The following MSRA variants were observed in gnomAD, a reference collection of about 807,000 sequenced individuals.
The protein encoded by MSRA is mitochondrial peptide methionine sulfoxide reductase.
In MSRA, 54 loss-of-function variants were observed where a neutral mutation model predicts 31.3. The observed-to-expected ratio is 1.73, with a 90% CI of 1.39 to 2.17. The LOEUF is 2.17. Ranked by LOEUF, MSRA falls within the 30% of genes most tolerant of loss-of-function variation. The pLI, the probability that MSRA is intolerant of heterozygous loss-of-function variation, is 0.00. For synonymous variants in MSRA, 169 were observed against 116.5 expected, an observed-to-expected ratio of 1.45 and a Z score of -2.90; for missense variants, 507 against 300.9, an observed-to-expected ratio of 1.69 and a Z score of -5.07.
At chr8:10,349,517 C>T (rs947892025) in intron 5 of MSRA, among the ~76,000 whole-genome samples, 2 of 152,216 alleles carry the variant, frequency 1.3e-5, no homozygotes, top group Non-Finnish European at 2.9e-5. Flanking sequence ...TTCCGCATGG[C>T]ATCTTGCACA....
At chr8:10,401,471 G>A (rs973416220) in intron 5 of MSRA, among the ~76,000 whole-genome samples, 5 of 152,204 alleles carry the variant, frequency 3.3e-5, no homozygotes, top group African/African-American at 1.2e-4. Flanking sequence ...ACTGGGAATG[G>A]TAAATGGTAC....
At chr8:10,080,052 C>T (rs765612162) in intron 1 of MSRA, among the ~76,000 whole-genome samples, 3 of 152,216 alleles carry the variant, frequency 2.0e-5, no homozygotes, top group Non-Finnish European at 4.4e-5. Context: ...AATTAGAACT[C>T]TAAGCCACGC....
intron 2 of MSRA, among the ~76,000 whole-genome samples, chr8:10,229,011 G>A (rs546355860): frequency 3.3e-5 from 5 of 152,056 alleles, no homozygotes; most frequent in Admixed American, 6.5e-5. Flanking sequence ...AAAAAAAGAC[G>A]AAAAAAGATC....
intron 1 of MSRA, among the ~76,000 whole-genome samples, chr8:10,201,907 T>C (rs886597265): frequency 6.6e-6 from 1 of 152,244 alleles, no homozygotes; most frequent in Non-Finnish European, 1.5e-5. Flanking sequence ...GGCTTTGGCA[T>C]GTGCCCCTTG....
rs767015379 is a variant in MSRA, at chr8:10,212,504, C to A, written c.211+4603C>A. Among the ~76,000 whole-genome samples, 66 of 152,152 alleles carry A rather than the reference C, an allele frequency of 4.3e-4. 1 individual carries two copies. The highest frequency in any genetic ancestry group is 6.9e-4 in the Non-Finnish European group (47 of 68,024). On this transcript the variant is annotated intron_variant, in intron 2 of 5. Coordinates refer to ENST00000317173, the MANE Select transcript of MSRA (RefSeq NM_012331.5). ...GATTGGATTGTATATAATGTCACAT[C>A]CACACTAGTAGTTACGCTAACTTTG...
intron 1 of MSRA, among the ~76,000 whole-genome samples, chr8:10,125,594 C>T (rs561576160): frequency 6.6e-6 from 1 of 152,282 alleles, no homozygotes; most frequent in Non-Finnish European, 1.5e-5. Context: ...GGCTAAGGAG[C>T]TTGAACCTGA....
intron 3 of MSRA, among the ~76,000 whole-genome samples, chr8:10,274,935 A>G (rs1328787919): frequency 2.0e-5 from 3 of 152,168 alleles, no homozygotes; most frequent in Non-Finnish European, 2.9e-5. Flanking sequence ...GTTGCTTTAA[A>G]ACTCAGTAAA....
intron 1 of MSRA, among the ~76,000 whole-genome samples, chr8:10,093,754 T>C (rs1182397218): frequency 6.6e-6 from 1 of 152,248 alleles, no homozygotes; most frequent in Non-Finnish European, 1.5e-5. Flanking sequence ...GTCTAGTGTC[T>C]TTTCATTTCA....
intron 3 of MSRA, among the ~76,000 whole-genome samples, chr8:10,261,120 A>G (rs1238529574): frequency 6.6e-6 from 1 of 152,200 alleles, no homozygotes; most frequent in African/African-American, 2.4e-5. Flanking sequence ...GGTTGCTGTA[A>G]TAGTGTACCC....
At chr8:10,348,269 C>T (rs1803908802) in intron 5 of MSRA, among the ~76,000 whole-genome samples, 1 of 151,122 alleles carries the variant, frequency 6.6e-6, no homozygotes, top group Admixed American at 6.6e-5. Context: ...GTGCTAGGGC[C>T]TTCTCCGCGG....
chr8:10,327,461 C>T (rs1802425760), intron 5 of MSRA, among the ~76,000 whole-genome samples: 1 of 152,184 alleles, frequency 6.6e-6, no homozygotes, highest in Non-Finnish European at 1.5e-5. Flanking sequence ...TGGGTTCCAG[C>T]TAGCATTTTC....
intron 5 of MSRA, among the ~76,000 whole-genome samples, chr8:10,416,693 C>G (rs1021539614): frequency 6.6e-6 from 1 of 152,206 alleles, no homozygotes. Context: ...ACCACACTTG[C>G]CTGCAAGAGC....
chr8:10,374,432 G>T (rs1351568901), intron 5 of MSRA, among the ~76,000 whole-genome samples: 2 of 152,154 alleles, frequency 1.3e-5, no homozygotes, highest in Non-Finnish European at 2.9e-5. Flanking sequence ...ATCCTAGGCT[G>T]GGTACCGTGC....
intron 3 of MSRA, among the ~76,000 whole-genome samples, chr8:10,254,661 C>T (rs950549100): frequency 6.6e-6 from 1 of 152,178 alleles, no homozygotes; most frequent in African/African-American, 2.4e-5. Flanking sequence ...CAGTGTGCCA[C>T]CTGGCTCATT....
At chr8:10,112,707 C>T (rs879414653) in intron 1 of MSRA, among the ~76,000 whole-genome samples, 65 of 152,250 alleles carry the variant, frequency 4.3e-4, no homozygotes, top group African/African-American at 7.2e-5. Flanking sequence ...ATAAATTCCA[C>T]GACAGAGAAA....
intron 5 of MSRA, among the ~76,000 whole-genome samples, chr8:10,341,138 T>C (rs1351844939): frequency 6.6e-6 from 1 of 152,232 alleles, no homozygotes; most frequent in African/African-American, 2.4e-5. Context: ...TTAAAACTCC[T>C]GTATTAGGCA....
intron 1 of MSRA, among the ~76,000 whole-genome samples, chr8:10,192,162 T>C (rs1338281669): frequency 6.6e-6 from 1 of 152,210 alleles, no homozygotes; most frequent in Non-Finnish European, 1.5e-5. Flanking sequence ...TCATAGTCTA[T>C]CATCCACTCA....
intron 5 of MSRA, among the ~76,000 whole-genome samples, chr8:10,407,902 A>C (rs1312906426): frequency 1.3e-5 from 2 of 152,342 alleles, no homozygotes; most frequent in East Asian, 3.9e-4. Context: ...TGAGAATTTC[A>C]TTAAGGATCA....
chr8:10,323,677 C>T (rs1802185461), intron 5 of MSRA, among the ~76,000 whole-genome samples: 1 of 151,488 alleles, frequency 6.6e-6, no homozygotes, highest in African/African-American at 2.4e-5. Context: ...AGAGGTTAAT[C>T]TTGTAGGCAG....
Sources: allele counts gnomAD v4.1 joint callset (sites outside exome capture counted in the v4.1 genomes callset), GRCh38; gene constraint gnomAD v4.1.1; transcripts MANE v1.5; gene names NCBI Gene and HGNC (gene_info 2026-07-23, HGNC 2026-07-21).